The following PABPC4L variants were observed in gnomAD, a reference collection of about 807,000 sequenced individuals.
The protein encoded by PABPC4L is polyadenylate-binding protein 4-like.
For missense variants in PABPC4L, 452 were observed against 451.4 expected (o/e 1.00, Z -0.01); for synonymous variants, 169 against 164.1 (o/e 1.03, Z -0.23).
chr4:134,047,206 T>G, the PABPC4L span, among the ~76,000 whole-genome samples: 1 of 152,166 alleles, frequency 6.6e-6, no homozygotes, highest in Non-Finnish European at 1.5e-5. Context: ...TTCTTTCATA[T>G]TGCAGTGGTG....
At chr4:134,010,247 C>T in the PABPC4L span, among the ~76,000 whole-genome samples, 1 of 152,106 alleles carries the variant, frequency 6.6e-6, no homozygotes, top group South Asian at 2.1e-4. Context: ...TTACAACTGT[C>T]TAAAATGTAT....
chr4:134,086,760 A>T, the PABPC4L span, among the ~76,000 whole-genome samples: 32 of 106,640 alleles, frequency 3.0e-4, no homozygotes, highest in South Asian at 6.1e-4. Flanking sequence ...TATTCTATTT[A>T]TTTCTTTTTC....
chr4:133,993,231 C>A, the PABPC4L span, among the ~76,000 whole-genome samples: 1 of 151,998 alleles, frequency 6.6e-6, no homozygotes, highest in Non-Finnish European at 1.5e-5. Context: ...CTCATATTCC[C>A]CCTTTTTTGT....
the PABPC4L span, among the ~76,000 whole-genome samples, chr4:133,984,831 T>C: frequency 3.3e-5 from 5 of 151,878 alleles, no homozygotes; most frequent in Admixed American, 1.3e-4. Context: ...TTCTCTTTCT[T>C]GCAAAAGGAG....
the PABPC4L span, among the ~76,000 whole-genome samples, chr4:134,162,376 T>C: frequency 1.3e-5 from 2 of 151,960 alleles, no homozygotes; most frequent in African/African-American, 4.8e-5. Flanking sequence ...CAATTAATAC[T>C]AGACCTAAGA....
At chr4:134,184,290 AAAGT>A in the PABPC4L span, among the ~76,000 whole-genome samples, 1 of 151,994 alleles carries the variant, frequency 6.6e-6, no homozygotes, top group African/African-American at 2.4e-5. Context: ...CTAAATAGAA[AAAGT>A]AAGACACACC....
the PABPC4L span, among the ~76,000 whole-genome samples, chr4:134,076,364 T>G: frequency 6.6e-6 from 1 of 152,168 alleles, no homozygotes; most frequent in African/African-American, 2.4e-5. Flanking sequence ...GCATTTGATT[T>G]ATTCTTTCTG....
chr4:133,979,339 G>A, the PABPC4L span, among the ~76,000 whole-genome samples: 1 of 152,146 alleles, frequency 6.6e-6, no homozygotes, highest in Non-Finnish European at 1.5e-5. Context: ...TCAAATGGAA[G>A]AGTCAAAGAA....
At chr4:133,952,684 T>C in the PABPC4L span, among the ~76,000 whole-genome samples, 2 of 152,134 alleles carry the variant, frequency 1.3e-5, no homozygotes, top group Non-Finnish European at 2.9e-5. Context: ...TTGCCTTCCT[T>C]AACCCACACG....
chr4:134,159,207 T>C, the PABPC4L span, among the ~76,000 whole-genome samples: 1 of 152,124 alleles, frequency 6.6e-6, no homozygotes. Context: ...CTAAATCTAT[T>C]AATTTTTCTT....
chr4:134,022,531 C>T, the PABPC4L span, among the ~76,000 whole-genome samples: 2 of 151,992 alleles, frequency 1.3e-5, no homozygotes, highest in Non-Finnish European at 2.9e-5. Context: ...TACAAGACCC[C>T]TCTTTTATCA....
chr4:134,031,536 GTTC>G, the PABPC4L span, among the ~76,000 whole-genome samples: 1 of 151,820 alleles, frequency 6.6e-6, no homozygotes, highest in Non-Finnish European at 1.5e-5. Context: ...TTTCTATGGT[GTTC>G]TTCTCTATCA....
chr4:134,006,881 T>C, the PABPC4L span, among the ~76,000 whole-genome samples: 1 of 150,712 alleles, frequency 6.6e-6, no homozygotes, highest in South Asian at 2.1e-4. Flanking sequence ...TGCTAACATA[T>C]GAAAGGCAAA....
At chr4:134,026,627 C>A in the PABPC4L span, among the ~76,000 whole-genome samples, 119 of 152,124 alleles carry the variant, frequency 7.8e-4, no homozygotes, top group Admixed American at 7.4e-3. Flanking sequence ...GTGTCCCCCC[C>A]CAAAATTCAT....
the PABPC4L span, among the ~76,000 whole-genome samples, chr4:134,184,969 A>G: frequency 1.3e-5 from 2 of 152,036 alleles, no homozygotes; most frequent in Admixed American, 6.6e-5. Flanking sequence ...CACCATCTGT[A>G]TATCTCCTTT....
chr4:134,177,185 TC>T, the PABPC4L span, among the ~76,000 whole-genome samples: 74,201 of 120,684 alleles, frequency 0.61, 23,164 homozygotes, highest in East Asian at 0.97. Flanking sequence ...TCTTTTCTTT[TC>T]TTTTTTTTTT....
chr4:134,022,957 A>G, the PABPC4L span, among the ~76,000 whole-genome samples: 2 of 150,672 alleles, frequency 1.3e-5, no homozygotes, highest in African/African-American at 4.9e-5. Flanking sequence ...AATTAATATC[A>G]GGATTCCAAA....
the PABPC4L span, among the ~76,000 whole-genome samples, chr4:134,002,653 C>T: frequency 2.0e-5 from 3 of 151,778 alleles, no homozygotes; most frequent in Non-Finnish European, 4.4e-5. Flanking sequence ...ATAAGTATCA[C>T]CTTATATTTG....
At chr4:134,111,766 G>C in the PABPC4L span, among the ~76,000 whole-genome samples, 5 of 151,976 alleles carry the variant, frequency 3.3e-5, no homozygotes, top group Non-Finnish European at 7.4e-5. Flanking sequence ...TGTGAGTCAT[G>C]CTTTTCACCT....
Sources: gnomAD v4.1 joint callset for allele counts (sites outside exome capture counted in the v4.1 genomes callset) on GRCh38, gnomAD v4.1.1 for gene constraint, MANE v1.5 for transcripts, NCBI Gene and HGNC (gene_info 2026-07-23, HGNC 2026-07-21) for gene names.